The following RIMS3 variants were observed in gnomAD, a reference collection of about 807,000 sequenced individuals.
RIMS3 encodes regulating synaptic membrane exocytosis 3, also known as regulating synaptic membrane exocytosis protein 3.
In RIMS3, 15 loss-of-function variants were observed where a neutral mutation model predicts 29.2. The observed-to-expected ratio is 0.51, with a 90% CI of 0.34 to 0.79. RIMS3 has a LOEUF of 0.79. Among genes scored for constraint, RIMS3 ranks in the 30% least tolerant of loss-of-function variants. RIMS3 has a pLI of 0.01. For missense variants in RIMS3, 342 were observed against 421.4 expected (o/e 0.81, Z 1.65); for synonymous variants, 161 against 170.1 (o/e 0.95, Z 0.41).
the RIMS3 span, chr1:40,690,957 C>G: frequency 2.0e-5 from 3 of 152,224 alleles, no homozygotes; most frequent in East Asian, 5.8e-4. Context: ...TTGACACTTA[C>G]TAGCTGTGGG....
At chr1:40,671,919 T>C in the RIMS3 span, among the ~76,000 whole-genome samples, 6 of 151,990 alleles carry the variant, frequency 3.9e-5, no homozygotes, top group East Asian at 1.2e-3. Context: ...TGTACCACCA[T>C]GCCCAGCTAA....
chr1:40,691,550 G>C, the RIMS3 span: 1 of 281,520 alleles, frequency 3.6e-6, no homozygotes, highest in Non-Finnish European at 6.8e-6. Flanking sequence ...CTCCCGAAAG[G>C]GGGCGGGGTT....
rs919657894 is a variant in RIMS3 at position 40,635,787 on chromosome 1, G to A, written c.359+129C>T. ...GTTGAGGGGAGGGGTATGAAGGAAG[G>A]CAGAGACACAGAGGACCCAGACATT... On this transcript the variant is annotated intron_variant, in intron 4 of 7. Coordinates refer to ENST00000372684, the MANE Select transcript of RIMS3 (RefSeq NM_014747.3). The surrounding 1 kb of genome is among the most constrained non-coding windows in gnomAD (Gnocchi z 4.1). 3.3e-6 allele frequency: 4 copies of A among 1,216,562 alleles called. No homozygotes were observed. In the African/African-American group the frequency reaches 6.0e-5, roughly 18 times the overall value. The allele number at this position is 1,216,562 out of a possible 1,614,324, so 75.4% of individuals were successfully genotyped here.
At position 40,626,289 on chromosome 1, in the gene RIMS3, A is replaced by G. The variant is rs1646452879; in HGVS notation, c.*228T>C. ...GCCCATATCATCACCAGGAGTGACT[A>G]TACCCAGACAAATGAACAGATAGAA... On this transcript the variant is annotated 3_prime_UTR_variant, in exon 8 of 8. Transcript: ENST00000372684. 1.7e-6 allele frequency: 1 copy of G among 594,862 alleles called. No individual in the cohort carries two copies. The highest frequency in any genetic ancestry group is 2.7e-5 in the Admixed American group (1 of 36,502). The allele number at this position is 594,862 out of a possible 1,614,324, so 36.8% of individuals were successfully genotyped here.
chr1:40,670,574 T>TTATATATATATATACATATATA (rs1642480270), upstream of RIMS3, among the ~76,000 whole-genome samples: 1 of 71,210 alleles, frequency 1.4e-5, no homozygotes, highest in Non-Finnish European at 2.4e-5. Flanking sequence ...AGTTATAATT[T>TTATATATATATATACATATATA]TATATATATA....
intron 1 of RIMS3, among the ~76,000 whole-genome samples, chr1:40,648,737 C>T (rs1042323858): frequency 2.0e-5 from 3 of 152,202 alleles, no homozygotes; most frequent in Non-Finnish European, 2.9e-5. Context: ...CTAGGAGCAT[C>T]GCCTCCTACC....
In RIMS3 at chr1:40,635,141, G is replaced by A. The variant is rs1646511719; in HGVS notation, c.359+775C>T. 6.6e-6 allele frequency among the ~76,000 whole-genome samples: 1 copy of A among 152,170 alleles called. No homozygotes were observed. Among genetic ancestry groups the A allele is most frequent in the Non-Finnish European group, 1.5e-5 (1 of 68,036 alleles). On this transcript the variant is annotated intron_variant, in intron 4 of 7. Coordinates refer to ENST00000372684, the MANE Select transcript of RIMS3 (RefSeq NM_014747.3). The surrounding 1 kb of genome is among the most constrained non-coding windows in gnomAD (Gnocchi z 4.1). ...CACAATCACTGAATCTCAAACGAGGGAGCCACAGAATCCTAAGCCTGGAAG... is the reference window on the plus strand; with the variant it reads ...CACAATCACTGAATCTCAAACGAGGAAGCCACAGAATCCTAAGCCTGGAAG...
At position 40,622,377 on chromosome 1, in the gene RIMS3, C is replaced by G. The variant is rs760915856; in HGVS notation, c.*4140G>C. 1 of 152,434 alleles carries G rather than the reference C, an allele frequency of 6.6e-6. No homozygotes were observed. Among genetic ancestry groups the G allele is most frequent in the African/African-American group, 2.4e-5 (1 of 41,460 alleles). 9.4% of individuals were successfully genotyped at this position (152,434 alleles called of 1,614,324 possible). On this transcript the variant is annotated 3_prime_UTR_variant, in exon 8 of 8. Transcript: ENST00000372684. ...TTGTTTTGTTTTGCCCCAACCTCTTCTGACGTGAGTGAAAAGGTTGAGGGA... is the reference window on the plus strand; with the variant it reads ...TTGTTTTGTTTTGCCCCAACCTCTTGTGACGTGAGTGAAAAGGTTGAGGGA...
chr1:40,637,583 A>C (rs1646529055), intron 3 of RIMS3, among the ~76,000 whole-genome samples: 2 of 152,164 alleles, frequency 1.3e-5, no homozygotes, highest in African/African-American at 4.8e-5. Flanking sequence ...AGCAGCAATC[A>C]CATATATGAA....
chr1:40,689,527 A>G, the RIMS3 span, among the ~76,000 whole-genome samples: 2 of 151,410 alleles, frequency 1.3e-5, no homozygotes, highest in Admixed American at 1.3e-4. Context: ...TCATCCACCC[A>G]CCTCGGCCTC....
chr1:40,686,843 T>C, the RIMS3 span, among the ~76,000 whole-genome samples: 4 of 152,292 alleles, frequency 2.6e-5, no homozygotes, highest in East Asian at 7.7e-4. Flanking sequence ...TAAACCATTG[T>C]GGAAGTCTCC....
At position 40,626,425 on chromosome 1, in the gene RIMS3, T is replaced by C. The variant is rs951269579; in HGVS notation, c.*92A>G. 8 of 1,195,836 alleles carry C rather than the reference T, an allele frequency of 6.7e-6. No individual in the cohort carries two copies. In the African/African-American group the frequency reaches 7.6e-5, roughly 11 times the overall value. 74.1% of individuals were successfully genotyped at this position (1,195,836 alleles called of 1,614,324 possible). A position where few individuals can be genotyped will look rare whatever the true frequency, so the allele number is the denominator to read the frequency against. On this transcript the variant is annotated 3_prime_UTR_variant, in exon 8 of 8. Coordinates refer to ENST00000372684, the MANE Select transcript of RIMS3 (RefSeq NM_014747.3). ...AACAGGCATGCAGCAGGACAAGGGG[T>C]CCAGAAAGACACGAAGACTATGTAC...
chr1:40,639,566 A>G (rs12562229), intron 3 of RIMS3, among the ~76,000 whole-genome samples: 38,342 of 152,040 alleles, frequency 0.25, 4,996 homozygotes, highest in African/African-American at 0.29. Context: ...TGCATACCCT[A>G]TCTCACTTAA....
intron 7 of RIMS3, among the ~76,000 whole-genome samples, chr1:40,627,480 G>A (rs922306477): frequency 1.5e-4 from 23 of 152,080 alleles, no homozygotes; most frequent in Non-Finnish European, 2.8e-4. Context: ...TACCCGCCTC[G>A]GCCTCCCAAA....
At chr1:40,633,298 A>G (rs1004221573) in intron 4 of RIMS3, 117 bp from the exon 5 acceptor site, 5 of 708,026 alleles carry the variant, frequency 7.1e-6, no homozygotes, top group African/African-American at 1.7e-5. Flanking sequence ...TCTGTGCCTC[A>G]GTTTCTCCTC....
Position 40,635,471 on chromosome 1 carries a change from T to C in RIMS3, c.359+445A>G, listed in dbSNP as rs181402934. Among the ~76,000 whole-genome samples the C allele has an allele frequency of 5.9e-5, 9 of 152,378 alleles. No homozygotes were observed. The highest frequency in any genetic ancestry group is 5.8e-4 in the East Asian group (3 of 5,192). ...TTTCCTGTCTATGAGTCACCATCCA[T>C]GGTTTGAAAAACACTGATCTAGTCC... On this transcript the variant is annotated intron_variant, in intron 4 of 7. Coordinates refer to ENST00000372684, the MANE Select transcript of RIMS3 (RefSeq NM_014747.3). This position sits in a 1 kb window ranked among gnomAD's most constrained non-coding sequence, Gnocchi z 4.1.
At chr1:40,667,857 A>G (rs1215376471), upstream of RIMS3, among the ~76,000 whole-genome samples, 1 of 152,232 alleles carries the variant, frequency 6.6e-6, no homozygotes, top group African/African-American at 2.4e-5. Flanking sequence ...GGCCCGGCAC[A>G]GTGGCTCATG....
At chr1:40,688,711 C>G in the RIMS3 span, among the ~76,000 whole-genome samples, 1 of 152,154 alleles carries the variant, frequency 6.6e-6, no homozygotes, top group African/African-American at 2.4e-5. Context: ...AGAGATGACA[C>G]GGGCAAGGAA....
chr1:40,641,079 A>G (rs1646552751), intron 3 of RIMS3, among the ~76,000 whole-genome samples: 1 of 152,254 alleles, frequency 6.6e-6, no homozygotes. Flanking sequence ...ATGGGACTAC[A>G]GAACTGCATT....
Sources: gnomAD v4.1 joint callset for allele counts (sites outside exome capture counted in the v4.1 genomes callset) on GRCh38, gnomAD v4.1.1 for gene constraint, Gnocchi (gnomAD v3.1) non-coding constraint, MANE v1.5 for transcripts, NCBI Gene and HGNC (gene_info 2026-07-23, HGNC 2026-07-21) for gene names.